CNTNAP2: variants seen among roughly 807,000 people sequenced by gnomAD.
CNTNAP2 encodes the protein contactin-associated protein-like 2.
CNTNAP2 carries 98 observed loss-of-function variants against 155.2 expected under a neutral mutation model. The ratio of observed to expected loss-of-function variants is 0.63; its 90% CI spans 0.54 to 0.75. CNTNAP2 has a LOEUF of 0.75. CNTNAP2 is among the 30% of genes least tolerant of loss of function. CNTNAP2 has a pLI of 0.00. For synonymous variants in CNTNAP2, 651 were observed against 631.2 expected (o/e 1.03, Z -0.47); for missense variants, 1,727 against 1,688.1 (o/e 1.02, Z -0.40).
intron 14 of CNTNAP2, among the ~76,000 whole-genome samples, chr7:147,931,191 G>T (rs1236394531): frequency 6.9e-6 from 1 of 143,952 alleles, no homozygotes; most frequent in Non-Finnish European, 1.5e-5. Context: ...GTAGATTAGA[G>T]CAGAAATAAA....
intron 1 of CNTNAP2, among the ~76,000 whole-genome samples, chr7:146,334,004 A>G (rs569683430): frequency 6.9e-4 from 105 of 152,334 alleles, no homozygotes; most frequent in African/African-American, 2.5e-3. Context: ...AAGAAGATAA[A>G]ATAAGTTTGA....
chr7:147,700,699 A>T (rs556496800), intron 13 of CNTNAP2, among the ~76,000 whole-genome samples: 1 of 152,210 alleles, frequency 6.6e-6, no homozygotes, highest in Non-Finnish European at 1.5e-5. Flanking sequence ...CCACAGTGCT[A>T]TACTGAAGAA....
chr7:146,966,326 C>T (rs1220508639), intron 3 of CNTNAP2, among the ~76,000 whole-genome samples: 1 of 152,136 alleles, frequency 6.6e-6, no homozygotes, highest in East Asian at 1.9e-4. Flanking sequence ...TCACCCATGC[C>T]TGTACAATAT....
intron 1 of CNTNAP2, among the ~76,000 whole-genome samples, chr7:146,717,171 A>G (rs1300356093): frequency 6.6e-6 from 1 of 152,100 alleles, no homozygotes. Context: ...TTAAATTGCC[A>G]TGGAGAGAAC....
chr7:146,822,007 A>G (rs533827736), intron 2 of CNTNAP2, among the ~76,000 whole-genome samples: 1 of 152,196 alleles, frequency 6.6e-6, no homozygotes, highest in African/African-American at 2.4e-5. Context: ...ATGCTGCTAT[A>G]AAGACACATG....
chr7:147,027,786 T>C (rs897299268), intron 3 of CNTNAP2, among the ~76,000 whole-genome samples: 2 of 152,120 alleles, frequency 1.3e-5, no homozygotes, highest in African/African-American at 4.8e-5. Context: ...CTCCAGCACC[T>C]GGGACATTGT....
intron 8 of CNTNAP2, among the ~76,000 whole-genome samples, chr7:147,187,288 T>C (rs910231454): frequency 1.3e-5 from 2 of 151,962 alleles, no homozygotes; most frequent in Non-Finnish European, 2.9e-5. Context: ...ATAGAGAGGC[T>C]CCCAAGCTCC....
rs1202471902 is a variant in CNTNAP2, at chr7:146,839,715, T to C, written c.213T>C (p.Ala71=). The C allele has an allele frequency of 2.5e-6, 4 of 1,614,220 alleles. No individual in the cohort carries two copies. In the Admixed American group the frequency reaches 6.7e-5, roughly 27 times the overall value. ...GYAKINKRGG[A]GGWSPSDSDH... ...CTTACCTCTGCCCATCTTCAGGTGCTGGGGGATGGTCTCCATCAGACAGCG... is the reference window on the plus strand; with the variant it reads ...CTTACCTCTGCCCATCTTCAGGTGCCGGGGGATGGTCTCCATCAGACAGCG... The change falls in exon 3 of 24, where the codon GCT becomes GCC. Residue 71 remains alanine, a synonymous_variant. Coordinates refer to ENST00000361727, the MANE Select transcript of CNTNAP2 (RefSeq NM_014141.6).
chr7:148,404,176 G>C (rs1184299571), intron 22 of CNTNAP2, among the ~76,000 whole-genome samples: 8 of 152,222 alleles, frequency 5.3e-5, no homozygotes, highest in Non-Finnish European at 1.2e-4. Flanking sequence ...GCCAGCCAAT[G>C]AACATCCATT....
chr7:147,910,563 C>T (rs568587984), intron 14 of CNTNAP2, among the ~76,000 whole-genome samples: 107 of 152,266 alleles, frequency 7.0e-4, no homozygotes, highest in African/African-American at 2.5e-3. Context: ...ACACCCGAGA[C>T]TGGGTAATTT....
Position 148,147,421 on chromosome 7 carries a change from T to A in CNTNAP2, c.2555-70T>A, listed in dbSNP as rs76029645. 1.6e-3 allele frequency: 2,379 copies of A among 1,459,852 alleles called. 39 individuals are homozygous for A. In the African/African-American group the frequency reaches 0.03, roughly 18 times the overall value. 90.4% of individuals were successfully genotyped at this position (1,459,852 alleles called of 1,614,324 possible). ...TTTCCTCTCCCTGCTTTGTTTGTCG[T>A]CTAGAATTTACTGCTATTTGGTATC... On this transcript the variant is annotated intron_variant, in intron 16 of 23. Transcript: ENST00000361727.
chr7:147,566,702 C>T (rs925036445), intron 12 of CNTNAP2, among the ~76,000 whole-genome samples: 2 of 152,164 alleles, frequency 1.3e-5, no homozygotes, highest in Admixed American at 1.3e-4. Flanking sequence ...AATCCAATCA[C>T]CTCTCACCAG....
intron 3 of CNTNAP2, among the ~76,000 whole-genome samples, chr7:146,916,835 G>T (rs1453760437): frequency 6.6e-6 from 1 of 151,758 alleles, no homozygotes; most frequent in African/African-American, 2.4e-5. Flanking sequence ...GCTCTGATCT[G>T]GATTATTTCT....
chr7:147,274,530 T>C (rs1804850170), intron 8 of CNTNAP2, among the ~76,000 whole-genome samples: 1 of 152,162 alleles, frequency 6.6e-6, no homozygotes, highest in South Asian at 2.1e-4. Flanking sequence ...TGTTGTTGTT[T>C]AATGAAGTTG....
At chr7:147,160,398 G>A (rs1337309578) in intron 8 of CNTNAP2, among the ~76,000 whole-genome samples, 1 of 152,098 alleles carries the variant, frequency 6.6e-6, no homozygotes, top group Admixed American at 6.6e-5. Flanking sequence ...GTTGCTGGGA[G>A]TTTATAATTG....
intron 11 of CNTNAP2, among the ~76,000 whole-genome samples, chr7:147,537,382 A>G (rs1799561499): frequency 1.3e-5 from 2 of 152,258 alleles, no homozygotes; most frequent in Non-Finnish European, 2.9e-5. Context: ...TAAAAATTAT[A>G]TTCAAACTGA....
At chr7:148,050,052 C>A (rs1802857674) in intron 15 of CNTNAP2, among the ~76,000 whole-genome samples, 1 of 152,148 alleles carries the variant, frequency 6.6e-6, no homozygotes, top group South Asian at 2.1e-4. Flanking sequence ...ATCCCAGCTA[C>A]TCGGAAGGCT....
intron 14 of CNTNAP2, among the ~76,000 whole-genome samples, chr7:147,920,805 C>CT (rs1219556681): frequency 0.025 from 2,535 of 100,616 alleles, 149 homozygotes; most frequent in African/African-American, 0.053. Context: ...CTGCTCCTGT[C>CT]TTTTTTTTTT....
At chr7:147,017,174 AT>A (rs568805379) in intron 3 of CNTNAP2, among the ~76,000 whole-genome samples, 50 of 150,776 alleles carry the variant, frequency 3.3e-4, no homozygotes, top group Non-Finnish European at 5.9e-4. Flanking sequence ...GTCATATTTT[AT>A]TTTTTTTCTC....
Sources: gnomAD v4.1 joint callset for allele counts (sites outside exome capture counted in the v4.1 genomes callset) on GRCh38, gnomAD v4.1.1 for gene constraint, MANE v1.5 for transcripts, NCBI Gene and HGNC (gene_info 2026-07-23, HGNC 2026-07-21) for gene names.